The following PPFIBP2 variants were observed in gnomAD, a reference collection of about 807,000 sequenced individuals.
PPFIBP2 encodes the protein liprin-beta-2.
A neutral mutation model predicts 118.3 loss-of-function variants in PPFIBP2; 118 were observed. The ratio of observed to expected loss-of-function variants is 1.00; its 90% CI spans 0.86 to 1.16. The LOEUF is 1.16. Ranked by LOEUF, PPFIBP2 falls within the 50% of genes most tolerant of loss-of-function variation. PPFIBP2 has a pLI of 0.00. For missense variants in PPFIBP2, 1,195 were observed against 1,073.1 expected (o/e 1.11, Z -1.59); for synonymous variants, 414 against 397.4 (o/e 1.04, Z -0.50).
At chr11:7,629,431 A>G (rs1246489573) in intron 9 of PPFIBP2, 28 bp from the exon 10 acceptor site, 2 of 1,605,168 alleles carry the variant, frequency 1.2e-6, no homozygotes, top group South Asian at 2.2e-5. Context: ...CATAGCATTA[A>G]TCTAAATCTC....
chr11:7,666,259 C>G, the PPFIBP2 span: 1 of 597,642 alleles, frequency 1.7e-6, no homozygotes, highest in Non-Finnish European at 3.0e-6. Context: ...TCTCGATTGC[C>G]CTTAAAAGCA....
chr11:7,515,274 T>C (rs1849134481), intron 1 of PPFIBP2, among the ~76,000 whole-genome samples: 2 of 152,344 alleles, frequency 1.3e-5, no homozygotes, highest in East Asian at 3.8e-4. Context: ...ATGTTTTATT[T>C]AACATATTTC....
At chr11:7,580,051 G>A (rs545202225) in intron 3 of PPFIBP2, among the ~76,000 whole-genome samples, 2 of 151,906 alleles carry the variant, frequency 1.3e-5, no homozygotes, top group South Asian at 4.2e-4. Context: ...CAGGCCCTTC[G>A]GCTTGCTTGG....
chr11:7,630,894 C>A, intron 10 of PPFIBP2, 31 bp from the exon 11 acceptor site: 1 of 1,492,902 alleles, frequency 6.7e-7, no homozygotes. Flanking sequence ...ATGAATTCAA[C>A]AATTCAGTCT....
At chr11:7,594,835 T>C (rs369689692) in intron 4 of PPFIBP2, among the ~76,000 whole-genome samples, 28 of 148,088 alleles carry the variant, frequency 1.9e-4, no homozygotes, top group African/African-American at 6.3e-4. Flanking sequence ...GAGAATTGAT[T>C]GAACCCAGGA....
chr11:7,623,379 T>C (rs766579474), intron 7 of PPFIBP2, among the ~76,000 whole-genome samples: 3 of 152,134 alleles, frequency 2.0e-5, no homozygotes, highest in Non-Finnish European at 4.4e-5. Context: ...CTAGCCATGG[T>C]GACTGTGGCC....
intron 5 of PPFIBP2, among the ~76,000 whole-genome samples, chr11:7,602,892 C>T (rs1313638555): frequency 6.6e-6 from 1 of 152,140 alleles, no homozygotes; most frequent in African/African-American, 2.4e-5. Flanking sequence ...GTCAGTGTAC[C>T]TGTTTCCTTA....
intron 1 of PPFIBP2, among the ~76,000 whole-genome samples, chr11:7,547,747 C>T (rs752488301): frequency 2.0e-5 from 3 of 152,262 alleles, no homozygotes; most frequent in East Asian, 1.9e-4. Context: ...TGTGAGCTCC[C>T]ATTCTCATTC....
intron 11 of PPFIBP2, among the ~76,000 whole-genome samples, chr11:7,631,452 A>G (rs1024115322): frequency 2.6e-4 from 40 of 152,100 alleles, no homozygotes; most frequent in African/African-American, 8.9e-4. Context: ...AGAGGAATTA[A>G]CTGCAACCTC....
intron 3 of PPFIBP2, among the ~76,000 whole-genome samples, chr11:7,567,810 T>C (rs1196979121): frequency 1.3e-5 from 2 of 152,242 alleles, no homozygotes; most frequent in Non-Finnish European, 2.9e-5. Flanking sequence ...TCAGCAGCTT[T>C]CTTATCCCCT....
At chr11:7,628,140 C>A in intron 8 of PPFIBP2, 145 bp from the exon 9 acceptor site, 1 of 613,664 alleles carries the variant, frequency 1.6e-6, no homozygotes, top group Non-Finnish European at 2.8e-6. Flanking sequence ...GATTCTGTAG[C>A]AGACACCATC....
intron 1 of PPFIBP2, among the ~76,000 whole-genome samples, chr11:7,546,780 G>A (rs1245961503): frequency 6.6e-6 from 1 of 152,234 alleles, no homozygotes; most frequent in Non-Finnish European, 1.5e-5. Context: ...GCCTGGAACA[G>A]CATTCTCCTC....
At chr11:7,659,499 T>C (rs930519376), downstream of PPFIBP2, among the ~76,000 whole-genome samples, 2 of 150,464 alleles carry the variant, frequency 1.3e-5, no homozygotes, top group African/African-American at 4.9e-5. Flanking sequence ...TCTGTTCCAT[T>C]GATCTATATC....
chr11:7,554,795 A>AGACTAGAC (rs1554950448), intron 2 of PPFIBP2, among the ~76,000 whole-genome samples: 2 of 145,142 alleles, frequency 1.4e-5, no homozygotes, highest in African/African-American at 5.3e-5. Context: ...TGACTAGACT[A>AGACTAGAC]GACTAGACTA....
intron 3 of PPFIBP2, among the ~76,000 whole-genome samples, chr11:7,566,028 C>G (rs1028259141): frequency 7.7e-6 from 1 of 130,238 alleles, no homozygotes; most frequent in African/African-American, 3.5e-5. Context: ...GAAGGGCAAA[C>G]ATTTAAGATT....
downstream of PPFIBP2, among the ~76,000 whole-genome samples, chr11:7,656,260 T>A (rs542241674): frequency 2.6e-5 from 4 of 152,332 alleles, no homozygotes; most frequent in East Asian, 7.7e-4. Context: ...TCACTGAGCC[T>A]ATTGGCTATA....
intron 6 of PPFIBP2, among the ~76,000 whole-genome samples, chr11:7,612,595 T>C (rs939660568): frequency 1.3e-5 from 2 of 152,266 alleles, no homozygotes; most frequent in African/African-American, 4.8e-5. Context: ...AGGACTATTT[T>C]TAAATCTGAA....
intron 3 of PPFIBP2, among the ~76,000 whole-genome samples, chr11:7,589,171 C>A (rs1483175854): frequency 6.6e-6 from 1 of 152,182 alleles, no homozygotes; most frequent in Non-Finnish European, 1.5e-5. Context: ...TGGCTAATGT[C>A]ATTGGTTGAG....
chr11:7,657,693 T>A (rs1854788527), downstream of PPFIBP2, among the ~76,000 whole-genome samples: 2 of 152,172 alleles, frequency 1.3e-5, no homozygotes, highest in African/African-American at 4.8e-5. Context: ...TGCATTTTTC[T>A]CCTAGTCCCC....
Sources: gnomAD v4.1 joint callset for allele counts (sites outside exome capture counted in the v4.1 genomes callset) on GRCh38, gnomAD v4.1.1 for gene constraint, MANE v1.5 for transcripts, NCBI Gene and HGNC (gene_info 2026-07-23, HGNC 2026-07-21) for gene names.